Variants in CDKAL1 observed in about 807,000 individuals in gnomAD.
CDKAL1 encodes the protein threonylcarbamoyladenosine tRNA methylthiotransferase.
Under a neutral mutation model 68.2 loss-of-function variants are expected in CDKAL1, and 32 were observed. The observed-to-expected ratio is 0.47, with a 90% confidence interval of 0.35 to 0.63. CDKAL1 has a LOEUF of 0.63. CDKAL1 is among the 30% of genes least tolerant of loss of function. CDKAL1 has a pLI of 0.00. For missense variants in CDKAL1, 606 were observed against 696.7 expected, an observed-to-expected ratio of 0.87 and a Z score of 1.47; for synonymous variants, 234 against 244.3, an observed-to-expected ratio of 0.96 and a Z score of 0.39.
intron 15 of CDKAL1, among the ~76,000 whole-genome samples, chr6:21,211,977 TCTCAAACAC>T: frequency 1.3e-5 from 2 of 152,234 alleles, no homozygotes; most frequent in East Asian, 3.9e-4. Context: ...CCCAGGCTGG[TCTCAAACAC>T]CTGGGCTCAA....
At chr6:20,702,569 C>A (rs1050465655) in intron 5 of CDKAL1, among the ~76,000 whole-genome samples, 1 of 152,064 alleles carries the variant, frequency 6.6e-6, no homozygotes, top group Non-Finnish European at 1.5e-5. Flanking sequence ...CAAAACTTGT[C>A]GTTCCGCCAG....
intron 7 of CDKAL1, among the ~76,000 whole-genome samples, chr6:20,771,149 A>G (rs1363958448): frequency 2.0e-5 from 3 of 152,194 alleles, no homozygotes; most frequent in Middle Eastern, 3.2e-3. Context: ...AAGCTCATCT[A>G]TGGTATTATG....
chr6:21,143,548 T>C (rs917188547), intron 13 of CDKAL1, among the ~76,000 whole-genome samples: 5 of 152,232 alleles, frequency 3.3e-5, no homozygotes, highest in African/African-American at 9.6e-5. Flanking sequence ...GAAATTGATA[T>C]TTTATTTTCT....
At chr6:21,020,840 G>A (rs141606883) in intron 11 of CDKAL1, among the ~76,000 whole-genome samples, 14 of 150,236 alleles carry the variant, frequency 9.3e-5, no homozygotes, top group African/African-American at 3.2e-4. Flanking sequence ...TGAACTCCTG[G>A]GCTCAAGCGA....
chr6:20,665,574 A>T (rs549312059), intron 5 of CDKAL1, among the ~76,000 whole-genome samples: 1 of 152,232 alleles, frequency 6.6e-6, no homozygotes, highest in African/African-American at 2.4e-5. Flanking sequence ...GACACAAAGT[A>T]TGTTCTTCCT....
At chr6:21,096,122 T>C (rs553772126) in intron 12 of CDKAL1, among the ~76,000 whole-genome samples, 1 of 152,340 alleles carries the variant, frequency 6.6e-6, no homozygotes, top group African/African-American at 2.4e-5. Context: ...AAACGAGTTG[T>C]GGGCTTATCT....
At chr6:21,046,193 C>G (rs1770219585) in intron 11 of CDKAL1, among the ~76,000 whole-genome samples, 1 of 152,218 alleles carries the variant, frequency 6.6e-6, no homozygotes, top group Admixed American at 6.5e-5. Context: ...TAGAAGATGC[C>G]ACACTATTAA....
At chr6:20,709,315 T>C (rs1398005211) in intron 5 of CDKAL1, among the ~76,000 whole-genome samples, 3 of 152,012 alleles carry the variant, frequency 2.0e-5, no homozygotes, top group East Asian at 3.9e-4. Context: ...TTTTTTTTAA[T>C]AGATTGAGCA....
intron 5 of CDKAL1, among the ~76,000 whole-genome samples, chr6:20,704,164 G>C (rs1771496803): frequency 6.6e-6 from 1 of 151,850 alleles, no homozygotes; most frequent in South Asian, 2.1e-4. Flanking sequence ...AACATTCCTT[G>C]ACTCAATTTT....
intron 13 of CDKAL1, among the ~76,000 whole-genome samples, chr6:21,111,676 C>T (rs934898912): frequency 4.6e-5 from 7 of 152,156 alleles, no homozygotes; most frequent in African/African-American, 1.4e-4. Flanking sequence ...AAAATGTGTA[C>T]CCAGAATAAG....
intron 9 of CDKAL1, among the ~76,000 whole-genome samples, chr6:20,929,552 C>T (rs971045533): frequency 6.6e-6 from 1 of 152,200 alleles, no homozygotes; most frequent in Non-Finnish European, 1.5e-5. Context: ...ATGTATTTGA[C>T]GTTACTGCCA....
intron 13 of CDKAL1, among the ~76,000 whole-genome samples, chr6:21,117,929 AC>A (rs1474564958): frequency 6.6e-6 from 1 of 152,162 alleles, no homozygotes. Context: ...AGTTTTTCAA[AC>A]TTTTATTCGT....
chr6:21,019,239 A>G (rs980573489), intron 11 of CDKAL1, among the ~76,000 whole-genome samples: 2 of 152,232 alleles, frequency 1.3e-5, no homozygotes, highest in East Asian at 1.9e-4. Flanking sequence ...GTGAGCCACC[A>G]GGGCTGGCAC....
chr6:20,591,860 T>A (rs1189731991), intron 4 of CDKAL1, among the ~76,000 whole-genome samples: 1 of 152,220 alleles, frequency 6.6e-6, no homozygotes, highest in Non-Finnish European at 1.5e-5. Flanking sequence ...ACGGGCTCTT[T>A]TTTGGTTCCA....
chr6:20,709,611 G>T (rs1193676233), intron 5 of CDKAL1, among the ~76,000 whole-genome samples: 1 of 152,064 alleles, frequency 6.6e-6, no homozygotes, highest in Non-Finnish European at 1.5e-5. Context: ...AGAAATCTCA[G>T]CTGAAACTCA....
intron 4 of CDKAL1, among the ~76,000 whole-genome samples, chr6:20,549,020 C>A (rs1003416387): frequency 1.3e-5 from 2 of 152,158 alleles, no homozygotes; most frequent in African/African-American, 4.8e-5. Context: ...TAGTGCATTT[C>A]TGTTATCTAA....
At chr6:21,189,067 C>G (rs1400422721) in intron 13 of CDKAL1, among the ~76,000 whole-genome samples, 1 of 152,168 alleles carries the variant, frequency 6.6e-6, no homozygotes, top group Non-Finnish European at 1.5e-5. Context: ...ATTTTGCCCC[C>G]AGCTGGGAAG....
rs1172346316 is a variant in CDKAL1 at position 20,748,572 on chromosome 6, A to G, written c.468+8957A>G. On this transcript the variant is annotated intron_variant, in intron 6 of 15. Coordinates refer to ENST00000274695, the MANE Select transcript of CDKAL1 (RefSeq NM_017774.3). The stretch of plus-strand genomic sequence containing the variant: ...TGTTTCTGGAAAAAAAAAAAAAAAA[A>G]AAAAAAAAAAAAAAAAAAAAAAAGC... 5.7e-4 allele frequency among the ~76,000 whole-genome samples: 16 copies of G among 27,844 alleles called. 1 individual carries two copies. The highest frequency in any genetic ancestry group is 1.9e-3 in the African/African-American group (16 of 8,214). 18.3% of individuals were successfully genotyped at this position (27,844 alleles called of 152,430 possible).
chr6:20,665,259 A>G (rs1769477248), intron 5 of CDKAL1, among the ~76,000 whole-genome samples: 1 of 152,176 alleles, frequency 6.6e-6, no homozygotes, highest in Non-Finnish European at 1.5e-5. Context: ...AAAATCTTGA[A>G]TAATATAATC....
Sources: allele counts gnomAD v4.1 joint callset (sites outside exome capture counted in the v4.1 genomes callset), GRCh38; gene constraint gnomAD v4.1.1; transcripts MANE v1.5; gene names NCBI Gene and HGNC (gene_info 2026-07-23, HGNC 2026-07-21).